PLEKHA8: variants seen among roughly 807,000 people sequenced by gnomAD.
PLEKHA8 encodes the protein pleckstrin homology domain containing A8.
A neutral mutation model predicts 68.2 loss-of-function variants in PLEKHA8; 36 were observed. The ratio of observed to expected loss-of-function variants is 0.53; its 90% CI spans 0.40 to 0.70. The LOEUF (loss-of-function observed/expected upper bound fraction) is 0.70. Ranked by LOEUF, PLEKHA8 falls within the 30% of genes least tolerant of loss-of-function variation. PLEKHA8 has a pLI of 0.00. For synonymous variants in PLEKHA8, 211 were observed against 216.1 expected, an observed-to-expected ratio of 0.98 and a Z score of 0.20; for missense variants, 505 against 615.4, an observed-to-expected ratio of 0.82 and a Z score of 1.90.
chr7:30,056,840 A>T (rs7799769), intron 9 of PLEKHA8, among the ~76,000 whole-genome samples: 22,313 of 143,902 alleles, frequency 0.16, 1,822 homozygotes, highest in Middle Eastern at 0.2. Flanking sequence ...TTATATATAT[A>T]TTTAATAGAT....
At chr7:30,042,851 A>T (rs145442132) in intron 1 of PLEKHA8, among the ~76,000 whole-genome samples, 23 of 152,328 alleles carry the variant, frequency 1.5e-4, no homozygotes, top group Non-Finnish European at 3.1e-4. Context: ...AACATCACCA[A>T]TAATGTCTGA....
downstream of PLEKHA8, chr7:30,090,787 G>A (rs1367747086): frequency 1.2e-5 from 4 of 321,388 alleles, no homozygotes; most frequent in East Asian, 3.4e-4. Flanking sequence ...TCTTAAATAC[G>A]AGCCAATTAG....
At chr7:30,122,264 A>G (rs1796708180) in intron 13 of PLEKHA8, among the ~76,000 whole-genome samples, 1 of 152,216 alleles carries the variant, frequency 6.6e-6, no homozygotes, top group South Asian at 2.1e-4. Flanking sequence ...CTCACTGCCA[A>G]ATATACATAG....
At chr7:30,123,564 T>C (rs184417213) in intron 13 of PLEKHA8, among the ~76,000 whole-genome samples, 3 of 152,294 alleles carry the variant, frequency 2.0e-5, no homozygotes, top group Admixed American at 2.0e-4. Context: ...AGCTCCAAGT[T>C]AGAACTACTT....
At chr7:30,060,100 G>A (rs1388282518) in intron 9 of PLEKHA8, among the ~76,000 whole-genome samples, 1 of 149,254 alleles carries the variant, frequency 6.7e-6, no homozygotes, top group Non-Finnish European at 1.5e-5. Flanking sequence ...TCATGCCACT[G>A]CACTCTAGCC....
intron 13 of PLEKHA8, among the ~76,000 whole-genome samples, chr7:30,104,713 CTTTTT>C (rs34669397): frequency 9.7e-6 from 1 of 102,864 alleles, no homozygotes. Flanking sequence ...GTCACAACAG[CTTTTT>C]TTTTTTTTTT....
intron 13 of PLEKHA8, chr7:30,115,988 G>GCATACGCATACATACGCATA: frequency 1.5e-5 from 2 of 130,936 alleles, no homozygotes; most frequent in Non-Finnish European, 3.4e-5. Context: ...ATGCATGTAT[G>GCATACGCATACATACGCATA]CATACGCATA....
chr7:30,116,157 C>T (rs1053753687), intron 13 of PLEKHA8, among the ~76,000 whole-genome samples: 17 of 151,190 alleles, frequency 1.1e-4, no homozygotes, highest in African/African-American at 3.2e-4. Flanking sequence ...CATACATACA[C>T]GTATACATGT....
At chr7:30,068,526 T>C (rs1794021414) in intron 12 of PLEKHA8, among the ~76,000 whole-genome samples, 1 of 152,234 alleles carries the variant, frequency 6.6e-6, no homozygotes, top group Non-Finnish European at 1.5e-5. Flanking sequence ...CTCTGTGAGT[T>C]GCCTGTTCAT....
rs549765596 is a variant in PLEKHA8 at position 30,095,996 on chromosome 7, T to G, written c.1362+21864T>G. 2.6e-5 allele frequency among the ~76,000 whole-genome samples: 4 copies of G among 152,330 alleles called. No individual in the cohort carries two copies. The South Asian group carries it at 8.3e-4, about 32-fold the overall frequency. ...TTTGTTTTTTTGGCTTAGGATTGAC[T>G]TGGCAATGCGGGCTCTTTTTTGGTT... is the stretch of plus-strand genomic sequence containing the variant. On this transcript the variant is annotated intron_variant, in intron 13 of 13. Transcript: ENST00000396257.
chr7:30,122,437 G>T (rs1004856621), intron 13 of PLEKHA8, among the ~76,000 whole-genome samples: 5 of 152,136 alleles, frequency 3.3e-5, no homozygotes, highest in African/African-American at 1.2e-4. Context: ...AAAAATCATG[G>T]TTGTCTAAAA....
At chr7:30,062,894 C>T in intron 12 of PLEKHA8, 152 bp downstream of exon 12, 3 of 602,408 alleles carry the variant, frequency 5.0e-6, no homozygotes, top group South Asian at 4.8e-5. Flanking sequence ...TTCTTATATG[C>T]TTTGTTTAAA....
At chr7:30,048,318 T>A (rs1445797851) in intron 4 of PLEKHA8, among the ~76,000 whole-genome samples, 1 of 152,224 alleles carries the variant, frequency 6.6e-6, no homozygotes, top group Non-Finnish European at 1.5e-5. Context: ...CAGTTTATAT[T>A]GTTTTGTTAA....
intron 2 of PLEKHA8, among the ~76,000 whole-genome samples, chr7:30,045,642 A>G (rs775913766): frequency 2.0e-5 from 3 of 152,210 alleles, no homozygotes; most frequent in Non-Finnish European, 2.9e-5. Flanking sequence ...AGACATGCTG[A>G]GAAGGTGTGG....
chr7:30,062,067 CA>C (rs778070098), intron 11 of PLEKHA8, 40 bp downstream of exon 11: 62 of 1,564,650 alleles, frequency 4.0e-5, no homozygotes, highest in Admixed American at 1.2e-4. Context: ...AAATCTAGCT[CA>C]AAAAAAATTA....
rs202079870 is a variant in PLEKHA8 at position 30,047,809 on chromosome 7, A to G, written c.314-23A>G. ...ATCAGTTGTTTGTTCTGGTTACTGC[A>G]TTATCATCATTTTGTCATTTAGAGT... On this transcript the variant is annotated intron_variant, in intron 3 of 13. Coordinates refer to ENST00000449726, the MANE Select transcript of PLEKHA8 (RefSeq NM_001197026.2). The G allele has an allele frequency of 1.2e-4, 191 of 1,603,980 alleles. 1 individual carries two copies. The African/African-American group carries it at 2.2e-3, about 18-fold the overall frequency.
At chr7:30,126,355 A>T (rs1164919903) in intron 13 of PLEKHA8, among the ~76,000 whole-genome samples, 2 of 152,238 alleles carry the variant, frequency 1.3e-5, no homozygotes, top group Non-Finnish European at 2.9e-5. Context: ...AGCTCAGATG[A>T]GTAAACTCAG....
chr7:30,061,776 T>C (rs1793456425), intron 10 of PLEKHA8, 121 bp from the exon 11 acceptor site: 1 of 1,030,952 alleles, frequency 9.7e-7, no homozygotes, highest in Non-Finnish European at 1.4e-6. Flanking sequence ...AAGAAGGTAA[T>C]AGGAGCTTAA....
At position 30,062,680 on chromosome 7, in the gene PLEKHA8, A is replaced by G. The variant is rs1227235802; in HGVS notation, c.1238A>G (p.Lys413Arg). ...EALLWLKRGL[K>R]FLKGFLTEVK... ...CCTTTATTTTGTTTTAGAGGTCTCAAATTTTTGAAGGGATTTTTGACAGAA... is the reference window on the plus strand; with the variant it reads ...CCTTTATTTTGTTTTAGAGGTCTCAGATTTTTGAAGGGATTTTTGACAGAA... Residue 413 changes from lysine (K) to arginine (R), a missense_variant, in exon 12 of 14, where the codon AAA becomes AGA. Coordinates refer to ENST00000449726, the MANE Select transcript of PLEKHA8 (RefSeq NM_001197026.2). 1.7e-5 allele frequency: 28 copies of G among 1,612,028 alleles called. No individual in the cohort carries two copies. Among genetic ancestry groups the G allele is most frequent in the Admixed American group, 3.3e-5 (2 of 59,964 alleles).
Sources: gnomAD v4.1 joint callset for allele counts (sites outside exome capture counted in the v4.1 genomes callset) on GRCh38, gnomAD v4.1.1 for gene constraint, MANE v1.5 for transcripts, NCBI Gene and HGNC (gene_info 2026-07-23, HGNC 2026-07-21) for gene names.